The following METTL16 variants were observed in gnomAD, a reference collection of about 807,000 sequenced individuals.
METTL16 encodes RNA N(6)-adenosine-methyltransferase METTL16.
METTL16 carries 19 observed loss-of-function variants against 57.9 expected under a neutral mutation model. The ratio of observed to expected loss-of-function variants is 0.33; its 90% confidence interval spans 0.23 to 0.48. The LOEUF is 0.48. Among genes scored for constraint, METTL16 ranks in the 20% least tolerant of loss-of-function variants. METTL16 has a pLI of 0.99. For missense variants in METTL16, 434 were observed against 691.5 expected (o/e 0.63, Z 4.18); for synonymous variants, 246 against 255.6 (o/e 0.96, Z 0.36).
chr17:2,492,015 T>A (rs1458760893), intron 2 of METTL16, among the ~76,000 whole-genome samples: 1 of 150,190 alleles, frequency 6.7e-6, no homozygotes, highest in Admixed American at 6.7e-5. Flanking sequence ...ATCGAGACCA[T>A]CCTGGCTAAC....
Position 2,419,285 on chromosome 17 carries a change from T to A in METTL16, c.*685A>T. 1 of 184,610 alleles carries A rather than the reference T, an allele frequency of 5.4e-6. No individual in the cohort carries two copies. Among genetic ancestry groups the A allele is most frequent in the Non-Finnish European group, 1.1e-5 (1 of 87,228 alleles). The allele number at this position is 184,610 out of a possible 1,614,324, so 11.4% of individuals were successfully genotyped here. A position where few individuals can be genotyped will look rare whatever the true frequency, so the allele number is the denominator to read the frequency against. On this transcript the variant is annotated 3_prime_UTR_variant, in exon 10 of 10. Transcript: ENST00000263092. ...ACTGTCAACAGGCTGGAGGTGGGGG[T>A]ATGGGTGCCTTCTGTGTGCCTCAGT...
At chr17:2,456,587 G>C (rs796923161) in intron 6 of METTL16, among the ~76,000 whole-genome samples, 8 of 152,202 alleles carry the variant, frequency 5.3e-5, no homozygotes, top group African/African-American at 1.9e-4. Flanking sequence ...TGATCCTCAG[G>C]CCTCAGCCTC....
downstream of METTL16, chr17:2,416,046 G>C (rs181136678): frequency 2.0e-5 from 3 of 152,158 alleles, no homozygotes; most frequent in African/African-American, 4.8e-5. Flanking sequence ...ACCATGGCTA[G>C]TGTTTTTTTC....
intron 2 of METTL16, among the ~76,000 whole-genome samples, chr17:2,492,349 T>C (rs1379717998): frequency 1.3e-5 from 2 of 152,076 alleles, no homozygotes; most frequent in African/African-American, 4.8e-5. Context: ...TAAAATCTAA[T>C]TGCAATGGTC....
chr17:2,440,254 C>CT (rs918963469), intron 7 of METTL16, among the ~76,000 whole-genome samples: 179 of 146,116 alleles, frequency 1.2e-3, no homozygotes, highest in Admixed American at 1.1e-3. Flanking sequence ...AAGACACCAT[C>CT]TTTTTTTTTT....
intron 6 of METTL16, among the ~76,000 whole-genome samples, chr17:2,454,249 T>C (rs1308509199): frequency 6.6e-6 from 1 of 152,164 alleles, no homozygotes; most frequent in East Asian, 1.9e-4. Context: ...TAGAAACTTA[T>C]TAAAAACTCA....
At chr17:2,431,136 A>G (rs2066871224) in intron 8 of METTL16, among the ~76,000 whole-genome samples, 1 of 152,006 alleles carries the variant, frequency 6.6e-6, no homozygotes, top group Non-Finnish European at 1.5e-5. Flanking sequence ...TAGTAGAGAC[A>G]GAGTTTCACT....
chr17:2,479,161 G>A (rs1567899733), intron 2 of METTL16, among the ~76,000 whole-genome samples: 2 of 151,682 alleles, frequency 1.3e-5, no homozygotes, highest in African/African-American at 4.8e-5. Context: ...GGTTTTTGTG[G>A]GTTTTGTTTT....
intron 8 of METTL16, among the ~76,000 whole-genome samples, chr17:2,432,047 C>T (rs750207276): frequency 2.6e-5 from 4 of 152,072 alleles, no homozygotes; most frequent in Non-Finnish European, 4.4e-5. Context: ...CAGGTTCACG[C>T]CGTTCTCCAG....
In METTL16 at chr17:2,436,511, CAGG is replaced by C. The variant is rs558120413; in HGVS notation, c.888+1595_888+1597del. 2.0e-3 allele frequency among the ~76,000 whole-genome samples: 297 copies of C among 152,284 alleles called. 1 individual carries two copies. Among genetic ancestry groups the C allele is most frequent in the African/African-American group, 6.8e-3 (284 of 41,556 alleles). On this transcript the variant is annotated intron_variant, in intron 8 of 9. Coordinates refer to ENST00000263092, the MANE Select transcript of METTL16 (RefSeq NM_024086.4). ...TCTCTACTCCTCTACCCTACAAGAG[CAGG>C]AGAAGAGACTCAGACACACAGCAAC...
rs755390214 is a variant in METTL16, at chr17:2,420,717, G to A, written c.1062+14C>T. On this transcript the variant is annotated intron_variant, in intron 9 of 9. Transcript: ENST00000263092. The surrounding 1 kb of genome is among the most constrained non-coding windows in gnomAD (Gnocchi z 5.4). ...ATCATTATGAGTACTTCGTCAATAT[G>A]GTTAAGCAGGTACCTTCAAATCAGT... 7 of 1,606,450 alleles carry A rather than the reference G, an allele frequency of 4.4e-6. No homozygotes were observed. Among genetic ancestry groups the A allele is most frequent in the South Asian group, 2.2e-5 (2 of 89,264 alleles).
Position 2,493,932 on chromosome 17 carries a change from A to C in METTL16, c.128+8272T>G, listed in dbSNP as rs56196937. ...TCACATTGCTCTCATCTCTAAAAGAAAAACAAGGAAGTTCTCCTCAAGACT... is the reference window on the plus strand; with the variant it reads ...TCACATTGCTCTCATCTCTAAAAGACAAACAAGGAAGTTCTCCTCAAGACT... On this transcript the variant is annotated intron_variant, in intron 2 of 9. Transcript: ENST00000263092. Among the ~76,000 whole-genome samples, 1,270 of 152,278 alleles carry C rather than the reference A, an allele frequency of 8.3e-3. 13 individuals carry two copies. Among genetic ancestry groups the C allele is most frequent in the South Asian group, 0.029 (139 of 4,816 alleles).
At position 2,417,087 on chromosome 17, in the gene METTL16, A is replaced by ATTTTTTTTTT. The variant is rs1567876454; in HGVS notation, c.*2882_*2883insAAAAAAAAAA. On this transcript the variant is annotated 3_prime_UTR_variant, in exon 10 of 10. Transcript: ENST00000263092. Reference sequence around the variant, plus strand: ...TTTTTTTTTTTTTTTTTTTTTTTTGAGACAGTCCCACTTTGTCGCCCAGGC... The same window carrying ATTTTTTTTTT: ...TTTTTTTTTTTTTTTTTTTTTTTTGATTTTTTTTTTGACAGTCCCACTTTGTCGCCCAGGC... The ATTTTTTTTTT allele has an allele frequency of 1.7e-3, 19 of 11,372 alleles. 2 individuals are homozygous for ATTTTTTTTTT. The highest frequency in any genetic ancestry group is 5.6e-3 in the African/African-American group (19 of 3,396). 0.7% of individuals were successfully genotyped at this position (11,372 alleles called of 1,614,324 possible). A position where few individuals can be genotyped will look rare whatever the true frequency, so the allele number is the denominator to read the frequency against.
chr17:2,491,315 C>T (rs1327526310), intron 2 of METTL16, among the ~76,000 whole-genome samples: 1 of 152,198 alleles, frequency 6.6e-6, no homozygotes, highest in Non-Finnish European at 1.5e-5. Flanking sequence ...CCGATTTCCC[C>T]AGAATGACTC....
In METTL16 at chr17:2,426,622, G is replaced by A. The variant is rs578238486; in HGVS notation, c.889-5718C>T. On this transcript the variant is annotated intron_variant, in intron 8 of 9. Coordinates refer to ENST00000263092, the MANE Select transcript of METTL16 (RefSeq NM_024086.4). Reference sequence around the variant, plus strand: ...CACGTGTCTATAATCCCAGCTACTCGGCAGGCTGAGGCAGGAGAATTGCTC... The same window carrying A: ...CACGTGTCTATAATCCCAGCTACTCAGCAGGCTGAGGCAGGAGAATTGCTC... Among the ~76,000 whole-genome samples, 12 of 150,202 alleles carry A rather than the reference G, an allele frequency of 8.0e-5. No individual in the cohort carries two copies. The South Asian group carries it at 2.3e-3, about 29-fold the overall frequency.
In METTL16 at chr17:2,460,681, T is replaced by G. The variant is rs187899409; in HGVS notation, c.728+3527A>C. On this transcript the variant is annotated intron_variant, in intron 6 of 9. Transcript: ENST00000263092. The stretch of plus-strand genomic sequence containing the variant: ...CGGGTGGATCACCTGAGGTCGGGAG[T>G]TCAAGACCAGCCTGACCAACACGGA... Among the ~76,000 whole-genome samples, 409 of 151,480 alleles carry G rather than the reference T, an allele frequency of 2.7e-3. 1 individual carries two copies. The highest frequency in any genetic ancestry group is 8.0e-3 in the African/African-American group (330 of 41,246).
chr17:2,483,931 T>G (rs1403332823), intron 2 of METTL16, among the ~76,000 whole-genome samples: 2 of 152,212 alleles, frequency 1.3e-5, no homozygotes, highest in African/African-American at 4.8e-5. Flanking sequence ...TCAAACACAT[T>G]CGTGTCTTTA....
At chr17:2,467,918 A>G in intron 4 of METTL16, 42 bp from the exon 5 acceptor site, 1 of 1,396,712 alleles carries the variant, frequency 7.2e-7, no homozygotes, top group Non-Finnish European at 1.0e-6. Flanking sequence ...TTAATGTTGC[A>G]GTGGTTCTAA....
chr17:2,430,805 T>G (rs1360627068), intron 8 of METTL16, among the ~76,000 whole-genome samples: 1 of 152,078 alleles, frequency 6.6e-6, no homozygotes, highest in Non-Finnish European at 1.5e-5. Flanking sequence ...AAGAACTTAT[T>G]TACCAGGAAC....
Sources: allele counts gnomAD v4.1 joint callset (sites outside exome capture counted in the v4.1 genomes callset), GRCh38; gene constraint gnomAD v4.1.1; non-coding constraint Gnocchi (gnomAD v3.1); transcripts MANE v1.5; gene names NCBI Gene and HGNC (gene_info 2026-07-23, HGNC 2026-07-21).